Variants in GRM7 observed in about 807,000 individuals in gnomAD.
GRM7 encodes metabotropic glutamate receptor 7.
A neutral mutation model predicts 84.5 loss-of-function variants in GRM7; 35 were observed. That is an observed-to-expected ratio of 0.41 (90% confidence interval 0.32 to 0.55). The LOEUF is 0.55. Ranked by LOEUF, GRM7 falls within the 20% of genes least tolerant of loss-of-function variation. The probability of loss-of-function intolerance (pLI) is 0.19; values close to 1 mark genes in which losing one functional copy is unlikely to be tolerated. For missense variants in GRM7, 1,003 were observed against 1,194.6 expected, an observed-to-expected ratio of 0.84 and a Z score of 2.36; for synonymous variants, 487 against 455.1, an observed-to-expected ratio of 1.07 and a Z score of -0.89.
intron 8 of GRM7, among the ~76,000 whole-genome samples, chr3:7,647,331 T>C (rs1453536704): frequency 6.6e-6 from 1 of 152,204 alleles, no homozygotes; most frequent in Non-Finnish European, 1.5e-5. Context: ...AGAAAGCAGC[T>C]TTCTTTTTTG....
chr3:7,517,384 GTAT>G (rs56307827), intron 7 of GRM7, among the ~76,000 whole-genome samples: 4,878 of 133,140 alleles, frequency 0.037, 105 homozygotes, highest in African/African-American at 0.071. Context: ...AGTAGTAGTA[GTAT>G]TAGTATTATT....
At chr3:7,455,749 A>G (rs1697982244) in intron 6 of GRM7, among the ~76,000 whole-genome samples, 1 of 152,190 alleles carries the variant, frequency 6.6e-6, no homozygotes, top group African/African-American at 2.4e-5. Flanking sequence ...GATTAATCTT[A>G]TGCTAGAAAA....
intron 1 of GRM7, among the ~76,000 whole-genome samples, chr3:7,121,888 G>A (rs188649640): frequency 1.9e-4 from 29 of 152,252 alleles, no homozygotes; most frequent in East Asian, 1.7e-3. Context: ...CAGAGCTCTC[G>A]TGAATGGGTG....
intron 1 of GRM7, among the ~76,000 whole-genome samples, chr3:7,077,491 A>G (rs1698129745): frequency 7.3e-6 from 1 of 136,932 alleles, no homozygotes; most frequent in Non-Finnish European, 1.5e-5. Flanking sequence ...CAAACCCCTC[A>G]TGTTCTCACT....
At chr3:7,404,218 G>A (rs1278257702) in intron 4 of GRM7, among the ~76,000 whole-genome samples, 1 of 152,188 alleles carries the variant, frequency 6.6e-6, no homozygotes, top group East Asian at 1.9e-4. Context: ...ATACAAATCA[G>A]TAGTTGTGGA....
chr3:7,492,536 A>G (rs1699559043), intron 7 of GRM7, among the ~76,000 whole-genome samples: 1 of 152,062 alleles, frequency 6.6e-6, no homozygotes, highest in Admixed American at 6.6e-5. Context: ...TCTTTTAATG[A>G]CCGCTGAATC....
At chr3:7,155,911 G>T (rs187352743) in intron 2 of GRM7, among the ~76,000 whole-genome samples, 71 of 152,202 alleles carry the variant, frequency 4.7e-4, no homozygotes, top group African/African-American at 1.6e-3. Context: ...CATATTGCTT[G>T]TTACTCTTTT....
intron 9 of GRM7, among the ~76,000 whole-genome samples, chr3:7,739,308 C>T (rs1002596288): frequency 6.6e-6 from 1 of 152,128 alleles, no homozygotes; most frequent in African/African-American, 2.4e-5. Context: ...ATGACTTCTC[C>T]GTTCCTCCAA....
intron 7 of GRM7, among the ~76,000 whole-genome samples, chr3:7,477,487 G>A (rs1698969038): frequency 6.6e-6 from 1 of 152,098 alleles, no homozygotes; most frequent in Non-Finnish European, 1.5e-5. Context: ...TACTACCCAA[G>A]ATAATTATTT....
chr3:7,218,909 G>A (rs1696703955), intron 2 of GRM7, among the ~76,000 whole-genome samples: 1 of 151,794 alleles, frequency 6.6e-6, no homozygotes, highest in African/African-American at 2.4e-5. Flanking sequence ...TGATTACATG[G>A]CTAAATTTAA....
intron 4 of GRM7, among the ~76,000 whole-genome samples, chr3:7,405,941 A>G (rs1695656448): frequency 6.6e-6 from 1 of 151,848 alleles, no homozygotes; most frequent in Non-Finnish European, 1.5e-5. Context: ...TGACATTGAT[A>G]TTAGATAATG....
At position 7,320,604 on chromosome 3, in the gene GRM7, C is replaced by T. The variant is rs115289709; in HGVS notation, c.1033+13952C>T. On this transcript the variant is annotated intron_variant, in intron 4 of 9. Coordinates refer to ENST00000357716, the MANE Select transcript of GRM7 (RefSeq NM_000844.4). ...AGGAAAAGGCCAGAGAGTAACCTTC[C>T]TGCTTCTTCTGTTTCCTCAAATGAC... is the stretch of plus-strand genomic sequence containing the variant. Among the ~76,000 whole-genome samples the T allele has an allele frequency of 3.0e-3, 453 of 151,352 alleles. 3 individuals are homozygous for T. Among genetic ancestry groups the T allele is most frequent in the African/African-American group, 0.011 (433 of 41,238 alleles).
At chr3:7,358,785 C>T (rs146860924) in intron 4 of GRM7, among the ~76,000 whole-genome samples, 130 of 151,560 alleles carry the variant, frequency 8.6e-4, no homozygotes, top group African/African-American at 2.9e-3. Flanking sequence ...TTTTTGTGAC[C>T]CTGTCTCTCA....
At chr3:6,965,162 T>C (rs1278165819) in intron 1 of GRM7, among the ~76,000 whole-genome samples, 3 of 152,100 alleles carry the variant, frequency 2.0e-5, no homozygotes, top group African/African-American at 4.8e-5. Context: ...AGCCTGCCAC[T>C]TCCCCCTGAA....
chr3:7,098,785 G>A (rs1698943964), intron 1 of GRM7, among the ~76,000 whole-genome samples: 2 of 151,912 alleles, frequency 1.3e-5, no homozygotes, highest in African/African-American at 4.8e-5. Context: ...GTCACAATCT[G>A]TTCTGGTTCA....
chr3:6,967,205 T>C (rs6792335), intron 1 of GRM7, among the ~76,000 whole-genome samples: 3,025 of 152,258 alleles, frequency 0.02, 48 homozygotes, highest in Non-Finnish European at 0.029. Context: ...TTTTATTTTT[T>C]GGAGACAGAG....
intron 2 of GRM7, among the ~76,000 whole-genome samples, chr3:7,247,733 C>T (rs1253759321): frequency 2.6e-5 from 4 of 151,404 alleles, no homozygotes; most frequent in Non-Finnish European, 5.9e-5. Flanking sequence ...ATACCCCCAT[C>T]TCCATAATGT....
At chr3:7,152,321 C>A (rs1487808368) in intron 2 of GRM7, among the ~76,000 whole-genome samples, 1 of 152,124 alleles carries the variant, frequency 6.6e-6, no homozygotes, top group African/African-American at 2.4e-5. Context: ...ATAATCCCTC[C>A]AATATAGTAT....
chr3:7,403,217 A>G, intron 4 of GRM7: 1 of 429,074 alleles, frequency 2.3e-6, no homozygotes, highest in Non-Finnish European at 4.7e-6. Context: ...AATAATTGAT[A>G]TGTGCTAAAT....
Sources: gnomAD v4.1 joint callset for allele counts (sites outside exome capture counted in the v4.1 genomes callset) on GRCh38, gnomAD v4.1.1 for gene constraint, MANE v1.5 for transcripts, NCBI Gene and HGNC (gene_info 2026-07-23, HGNC 2026-07-21) for gene names.